FNBP4: variants seen among roughly 807,000 people sequenced by gnomAD.
FNBP4 encodes the protein formin binding protein 4.
In FNBP4, 34 loss-of-function variants were observed where a neutral mutation model predicts 119.3. The observed-to-expected ratio is 0.28, with a 90% CI of 0.22 to 0.38. FNBP4 has a LOEUF of 0.38. Ranked by LOEUF, FNBP4 falls within the 10% of genes least tolerant of loss-of-function variation. The pLI is 1.00. For missense variants in FNBP4, 1,112 were observed against 1,228.9 expected (o/e 0.90, Z 1.42); for synonymous variants, 462 against 430.6 (o/e 1.07, Z -0.90).
At chr11:47,762,088 T>G (rs1418728422) in intron 2 of FNBP4, among the ~76,000 whole-genome samples, 1 of 151,556 alleles carries the variant, frequency 6.6e-6, no homozygotes, top group African/African-American at 2.4e-5. Context: ...TCCGCCAGCT[T>G]CAGCCTCCCA....
chr11:47,743,344 G>A (rs192370483), intron 8 of FNBP4, among the ~76,000 whole-genome samples: 7 of 152,130 alleles, frequency 4.6e-5, no homozygotes, highest in East Asian at 1.9e-4. Context: ...ATAGCCAGGC[G>A]CGGTGGCAGG....
rs867486390 is a variant in FNBP4, at chr11:47,766,995, G to A, written c.220+74C>T. On this transcript the variant is annotated intron_variant, in intron 1 of 16. Coordinates refer to ENST00000263773, the MANE Select transcript of FNBP4 (RefSeq NM_015308.5). ...CGACCTCGCCCGCCTCCCTCGCCGG[G>A]TCTGGCCAGGCGCCGTGAGGAGCCT... 136 of 1,466,150 alleles carry A rather than the reference G, an allele frequency of 9.3e-5. No individual in the cohort carries two copies. The African/African-American group carries it at 1.8e-3, about 19-fold the overall frequency. 90.8% of individuals were successfully genotyped at this position (1,466,150 alleles called of 1,614,324 possible).
At chr11:47,740,241 C>G (rs899597610) in intron 8 of FNBP4, among the ~76,000 whole-genome samples, 3 of 151,748 alleles carry the variant, frequency 2.0e-5, no homozygotes, top group African/African-American at 4.8e-5. Flanking sequence ...ATGATAAAAC[C>G]CTGTCTGTAC....
intron 1 of FNBP4, 80 bp from the exon 2 acceptor site, chr11:47,765,442 G>C (rs1255247824): frequency 9.8e-7 from 1 of 1,022,582 alleles, no homozygotes; most frequent in African/African-American, 1.7e-5. Flanking sequence ...CCAGACCAGA[G>C]AAAACACTAG....
In FNBP4 at chr11:47,767,184, G is replaced by C. The variant is rs768993085; in HGVS notation, c.105C>G (p.Pro35=). Reference sequence around the variant, plus strand: ...CCGCGGTTGAGTCCGGCTCAGTGTCGGGTTCCGGCTCCGGGTCCCGGCCCG... The same window carrying C: ...CCGCGGTTGAGTCCGGCTCAGTGTCCGGTTCCGGCTCCGGGTCCCGGCCCG... The part of the protein sequence containing the change: ...STPGRDPEPE[P]DTEPDSTAAV... The change falls in exon 1 of 17, where the codon CCC becomes CCG. Residue 35 remains proline, a synonymous_variant. Coordinates refer to ENST00000263773, the MANE Select transcript of FNBP4 (RefSeq NM_015308.5). The C allele has an allele frequency of 5.1e-6, 8 of 1,560,286 alleles. No individual in the cohort carries two copies. In the Admixed American group the frequency reaches 7.5e-5, roughly 15 times the overall value.
chr11:47,739,141 A>G (rs1423272683), intron 8 of FNBP4, among the ~76,000 whole-genome samples: 1 of 151,518 alleles, frequency 6.6e-6, no homozygotes, highest in East Asian at 1.9e-4. Context: ...TATGTTGCCC[A>G]GTTTGGTCTC....
intron 6 of FNBP4, among the ~76,000 whole-genome samples, chr11:47,749,289 A>G (rs1031847850): frequency 5.1e-5 from 7 of 136,742 alleles, no homozygotes; most frequent in African/African-American, 1.9e-4. Context: ...GTAAATAAAA[A>G]GGAAAGGTGC....
At chr11:47,741,796 C>A (rs964044086) in intron 8 of FNBP4, among the ~76,000 whole-genome samples, 3 of 145,464 alleles carry the variant, frequency 2.1e-5, no homozygotes, top group African/African-American at 7.7e-5. Flanking sequence ...GCCTGGGCGA[C>A]AGAGTAAGAC....
intron 2 of FNBP4, among the ~76,000 whole-genome samples, chr11:47,763,411 A>G (rs900832780): frequency 3.8e-5 from 4 of 105,508 alleles, no homozygotes; most frequent in Admixed American, 1.1e-4. Context: ...ACACCACTGC[A>G]CTTGAACTCA....
Position 47,717,510 on chromosome 11 carries a change from C to G in FNBP4, c.2966G>C (p.Gly989Ala). 6.2e-7 allele frequency: 1 copy of G among 1,609,344 alleles called. No homozygotes were observed. The highest frequency in any genetic ancestry group is 8.5e-7 in the Non-Finnish European group (1 of 1,176,814). The change falls in exon 17 of 17, where the codon GGC (glycine) becomes GCC (alanine). Residue 989 changes from glycine (G) to alanine (A), a missense_variant and splice_region_variant. Coordinates refer to ENST00000263773, the MANE Select transcript of FNBP4 (RefSeq NM_015308.5). Reference protein sequence around the residue: ...EEWKQQQLVSGMAERNANFEA... With the variant: ...EEWKQQQLVSAMAERNANFEA... ...AAAATTAGCATTTCTCTCTGCCATG[C>G]CACTGTGAAAACAACATACAGATTA...
Position 47,754,668 on chromosome 11 carries a change from G to A in FNBP4, c.314-4C>T, listed in dbSNP as rs960884579. On this transcript the variant is annotated splice_region_variant and splice_polypyrimidine_tract_variant and intron_variant, in intron 2 of 16. Coordinates refer to ENST00000263773, the MANE Select transcript of FNBP4 (RefSeq NM_015308.5). ...GCACCAAGCAAGCATAGACCGCCTA[G>A]AAACAAAAAGGTAAACAGTATTTGT... The A allele has an allele frequency of 6.2e-7, 1 of 1,609,818 alleles. No individual in the cohort carries two copies.
At position 47,732,545 on chromosome 11, in the gene FNBP4, G is replaced by A; in HGVS notation, c.1812C>T (p.His604=). 1 of 1,614,190 alleles carries A rather than the reference G, an allele frequency of 6.2e-7. No individual in the cohort carries two copies. Among genetic ancestry groups the A allele is most frequent in the Non-Finnish European group, 8.5e-7 (1 of 1,180,038 alleles). ...GGGAGAAGAGTGCGTACCTGTCCCAGTGGCAGGACCAGCCTTTAGGAGTGG... is the reference window on the plus strand; with the variant it reads ...GGGAGAAGAGTGCGTACCTGTCCCAATGGCAGGACCAGCCTTTAGGAGTGG... The part of the protein sequence containing the change: ...INATPKGWSC[H]WDRDHRRYFY... Residue 604 remains histidine, a synonymous_variant, in exon 11 of 17, where the codon CAC becomes CAT. Transcript: ENST00000263773. The surrounding 1 kb of genome is among the most constrained non-coding windows in gnomAD (Gnocchi z 4.2).
intron 12 of FNBP4, chr11:47,730,198 G>A: frequency 9.1e-6 from 9 of 985,250 alleles, no homozygotes; most frequent in Non-Finnish European, 1.1e-5. Context: ...CTGCTAAAAA[G>A]CAAACAAAAA....
Position 47,734,016 on chromosome 11 carries a change from A to AAAG in FNBP4, c.1686+8_1686+9insCTT. 1 of 1,433,304 alleles carries AAAG rather than the reference A, an allele frequency of 7.0e-7. No homozygotes were observed. Among genetic ancestry groups the AAAG allele is most frequent in the Non-Finnish European group, 9.4e-7 (1 of 1,066,498 alleles). 88.8% of individuals were successfully genotyped at this position (1,433,304 alleles called of 1,614,324 possible). A position where few individuals can be genotyped will look rare whatever the true frequency, so the allele number is the denominator to read the frequency against. ...TGTTTATGCCAAAAAAAAAAAAAAA[A>AAAG]AGACTTACCTCAGTCTGTAAGAGCA... is the stretch of plus-strand genomic sequence containing the variant. On this transcript the variant is annotated intron_variant, in intron 10 of 16. Coordinates refer to ENST00000263773, the MANE Select transcript of FNBP4 (RefSeq NM_015308.5).
At chr11:47,729,994 C>G in intron 12 of FNBP4, 1 of 985,406 alleles carries the variant, frequency 1.0e-6, no homozygotes, top group Non-Finnish European at 1.2e-6. Flanking sequence ...TCAAGAGCCT[C>G]CTTTTACCAG....
Position 47,765,373 on chromosome 11 carries a change from AAAAAAG to A in FNBP4, c.221-17_221-12del. On this transcript the variant is annotated splice_polypyrimidine_tract_variant and intron_variant, in intron 1 of 16. Coordinates refer to ENST00000263773, the MANE Select transcript of FNBP4 (RefSeq NM_015308.5). ...CCGCTTCCTGTTCATCTGGATTAAA[AAAAAAG>A]AAAAGAAAAGAAAAGAAAAGAAAAG... 10 of 1,482,170 alleles carry A rather than the reference AAAAAAG, an allele frequency of 6.7e-6. No homozygotes were observed. Among genetic ancestry groups the A allele is most frequent in the East Asian group, 4.5e-5 (2 of 44,058 alleles). 91.8% of individuals were successfully genotyped at this position (1,482,170 alleles called of 1,614,324 possible).
At chr11:47,734,978 A>AC (rs1554979768) in intron 9 of FNBP4, among the ~76,000 whole-genome samples, 838 of 57,250 alleles carry the variant, frequency 0.015, 24 homozygotes, top group African/African-American at 0.048. Flanking sequence ...TCACCCCAAC[A>AC]CCCCCCCCCC....
At position 47,754,577 on chromosome 11, in the gene FNBP4, T is replaced by C. The variant is rs1225616280; in HGVS notation, c.401A>G (p.Asn134Ser). Reference protein sequence around the residue: ...SEKLAQSKETNGNQSTDIDST... With the variant: ...SEKLAQSKETSGNQSTDIDST... ...ATCAATATCAGTTGACTGGTTTCCATTTGTCTCTTTGGATTGTGCTAGTTT... is the reference window on the plus strand; with the variant it reads ...ATCAATATCAGTTGACTGGTTTCCACTTGTCTCTTTGGATTGTGCTAGTTT... The change falls in exon 3 of 17, where the codon AAT becomes AGT. Residue 134 changes from asparagine to serine, a missense_variant. Transcript: ENST00000263773. The C allele has an allele frequency of 1.9e-6, 3 of 1,614,174 alleles. No individual in the cohort carries two copies. The highest frequency in any genetic ancestry group is 1.7e-5 in the Admixed American group (1 of 60,000).
Position 47,734,100 on chromosome 11 carries a change from C to G in FNBP4, c.1611G>C (p.Leu537=). 1 of 1,593,080 alleles carries G rather than the reference C, an allele frequency of 6.3e-7. No individual in the cohort carries two copies. The highest frequency in any genetic ancestry group is 8.5e-7 in the Non-Finnish European group (1 of 1,174,948). The change falls in exon 10 of 17, where the codon CTG becomes CTC. Residue 537 remains leucine, a synonymous_variant. Transcript: ENST00000263773. ...KFQIGELANT[L]TSKFEFLGIN... ...TGCCTAGAAACTCGAATTTACTTGT[C>G]AGGGTATTTGCCAGTTCTCCAATCT...
Sources: allele counts gnomAD v4.1 joint callset (sites outside exome capture counted in the v4.1 genomes callset), GRCh38; gene constraint gnomAD v4.1.1; non-coding constraint Gnocchi (gnomAD v3.1); transcripts MANE v1.5; gene names NCBI Gene and HGNC (gene_info 2026-07-23, HGNC 2026-07-21).